The following SPOCK3 variants were observed in gnomAD, a reference collection of about 807,000 sequenced individuals.
SPOCK3 encodes testican-3.
In SPOCK3, 30 loss-of-function variants were observed where a neutral mutation model predicts 56.6. The ratio of observed to expected loss-of-function variants is 0.53; its 90% CI spans 0.40 to 0.72. The LOEUF (loss-of-function observed/expected upper bound fraction) is 0.72. SPOCK3 is among the 30% of genes least tolerant of loss of function. The probability of loss-of-function intolerance (pLI) is 0.00; values close to 1 mark genes in which losing one functional copy is unlikely to be tolerated. For missense variants in SPOCK3, 527 were observed against 530.0 expected (o/e 0.99, Z 0.06); for synonymous variants, 196 against 183.3 (o/e 1.07, Z -0.56).
chr4:167,122,704 T>C (rs530178512), intron 2 of SPOCK3, among the ~76,000 whole-genome samples: 8 of 152,312 alleles, frequency 5.3e-5, no homozygotes, highest in African/African-American at 1.9e-4. Context: ...AGGAAGTAAA[T>C]ATAGTAAAGA....
chr4:167,175,857 A>G (rs1730938996), intron 2 of SPOCK3, among the ~76,000 whole-genome samples: 1 of 152,156 alleles, frequency 6.6e-6, no homozygotes, highest in Admixed American at 6.6e-5. Context: ...ATACAATACT[A>G]TCAATAATAA....
At chr4:166,980,749 T>C (rs1746484312) in intron 4 of SPOCK3, among the ~76,000 whole-genome samples, 1 of 152,202 alleles carries the variant, frequency 6.6e-6, no homozygotes, top group Non-Finnish European at 1.5e-5. Context: ...GCTTCTGCTG[T>C]AGGCACCTGT....
chr4:167,194,335 T>G (rs1384526206), intron 2 of SPOCK3, among the ~76,000 whole-genome samples: 2 of 151,836 alleles, frequency 1.3e-5, no homozygotes, highest in African/African-American at 2.4e-5. Flanking sequence ...TTTGTTTAGT[T>G]GCCTACATGC....
At chr4:166,807,682 C>T (rs934588883) in intron 6 of SPOCK3, among the ~76,000 whole-genome samples, 1 of 152,064 alleles carries the variant, frequency 6.6e-6, no homozygotes, top group Admixed American at 6.6e-5. Flanking sequence ...TTGAATAGGA[C>T]ACATACTATA....
intron 5 of SPOCK3, among the ~76,000 whole-genome samples, chr4:166,911,409 A>C (rs937155306): frequency 6.6e-6 from 1 of 151,950 alleles, no homozygotes; most frequent in Non-Finnish European, 1.5e-5. Context: ...AAGGTAGGAA[A>C]ATTCTGGAAA....
intron 2 of SPOCK3, among the ~76,000 whole-genome samples, chr4:167,226,881 G>A (rs916754667): frequency 5.9e-5 from 9 of 152,014 alleles, no homozygotes; most frequent in African/African-American, 2.2e-4. Flanking sequence ...CGTTACTCGG[G>A]TACTCTGATT....
intron 7 of SPOCK3, among the ~76,000 whole-genome samples, chr4:166,767,220 C>A (rs1174296135): frequency 6.6e-6 from 1 of 151,948 alleles, no homozygotes; most frequent in African/African-American, 2.4e-5. Flanking sequence ...TTATTTCTTG[C>A]CTTCTGCTAG....
intron 2 of SPOCK3, among the ~76,000 whole-genome samples, chr4:167,086,246 T>G (rs1033150602): frequency 6.6e-6 from 1 of 152,106 alleles, no homozygotes; most frequent in African/African-American, 2.4e-5. Flanking sequence ...AAGACATTAA[T>G]TTTAGTCCTT....
chr4:166,842,218 G>GCA (rs1747493653), intron 6 of SPOCK3, among the ~76,000 whole-genome samples: 1 of 152,030 alleles, frequency 6.6e-6, no homozygotes, highest in South Asian at 2.1e-4. Context: ...AAGCTTCCAC[G>GCA]GTGAGGAAGA....
intron 6 of SPOCK3, among the ~76,000 whole-genome samples, chr4:166,815,029 T>G (rs1348307064): frequency 2.0e-5 from 3 of 152,090 alleles, no homozygotes; most frequent in Non-Finnish European, 2.9e-5. Flanking sequence ...AAATCCATAT[T>G]TTTTACTTTT....
rs375775004 is a variant in SPOCK3 at position 166,887,678 on chromosome 4, C to T, written c.589+1452G>A. ...GCTGAGGACTACAGAAGGAACCACA[C>T]TGGGTAGTTAAACTTAGACTGGGGC... On this transcript the variant is annotated intron_variant, in intron 6 of 10. Coordinates refer to ENST00000357545, the MANE Select transcript of SPOCK3 (RefSeq NM_001040159.2). Among the ~76,000 whole-genome samples, 389 of 151,970 alleles carry T rather than the reference C, an allele frequency of 2.6e-3. 2 individuals carry two copies. The highest frequency in any genetic ancestry group is 8.8e-3 in the African/African-American group (364 of 41,442).
At chr4:167,082,644 T>C (rs1231896185) in intron 2 of SPOCK3, among the ~76,000 whole-genome samples, 1 of 151,832 alleles carries the variant, frequency 6.6e-6, no homozygotes, top group Non-Finnish European at 1.5e-5. Context: ...CTTGGTGAGG[T>C]TGTGGGGTCA....
At chr4:166,810,721 G>C (rs917551705) in intron 6 of SPOCK3, among the ~76,000 whole-genome samples, 4 of 151,638 alleles carry the variant, frequency 2.6e-5, no homozygotes, top group Non-Finnish European at 4.4e-5. Context: ...GTTAGTTTAG[G>C]GTTTTTATAA....
intron 7 of SPOCK3, among the ~76,000 whole-genome samples, chr4:166,783,563 A>G (rs1173179352): frequency 6.6e-6 from 1 of 152,160 alleles, no homozygotes; most frequent in African/African-American, 2.4e-5. Context: ...ATACAATGTT[A>G]TATGGATTCT....
chr4:167,131,676 A>G (rs2558128), intron 2 of SPOCK3, among the ~76,000 whole-genome samples: 33,379 of 152,070 alleles, frequency 0.22, 3,774 homozygotes, highest in Middle Eastern at 0.28. Flanking sequence ...TAATCCCTTC[A>G]CTTCTCTGTT....
At chr4:166,991,933 C>T (rs531711243) in intron 4 of SPOCK3, among the ~76,000 whole-genome samples, 2 of 152,052 alleles carry the variant, frequency 1.3e-5, no homozygotes, top group Non-Finnish European at 2.9e-5. Context: ...CATGCTGAAG[C>T]GTGTTGTACA....
intron 4 of SPOCK3, among the ~76,000 whole-genome samples, chr4:166,994,691 T>C (rs1019660575): frequency 2.0e-5 from 3 of 152,160 alleles, no homozygotes; most frequent in Non-Finnish European, 2.9e-5. Flanking sequence ...TATTTTCATA[T>C]ATGAGAAACA....
intron 2 of SPOCK3, among the ~76,000 whole-genome samples, chr4:167,074,326 C>T (rs1033098410): frequency 2.0e-5 from 3 of 151,916 alleles, no homozygotes; most frequent in South Asian, 2.1e-4. Context: ...TTTAGTTGAA[C>T]GCTGCTGCCT....
chr4:166,855,294 T>TA (rs914005458), intron 6 of SPOCK3, among the ~76,000 whole-genome samples: 52 of 149,928 alleles, frequency 3.5e-4, no homozygotes, highest in South Asian at 1.7e-3. Context: ...AGACAAAAAA[T>TA]AAAAAAAAAT....
Sources: gnomAD v4.1 joint callset for allele counts (sites outside exome capture counted in the v4.1 genomes callset) on GRCh38, gnomAD v4.1.1 for gene constraint, MANE v1.5 for transcripts, NCBI Gene and HGNC (gene_info 2026-07-23, HGNC 2026-07-21) for gene names.